Variants in MARCHF1 observed in about 807,000 individuals in gnomAD.
MARCHF1 encodes the protein membrane associated ring-CH-type finger 1, also known as E3 ubiquitin-protein ligase MARCHF1.
Under a neutral mutation model 54.2 loss-of-function variants are expected in MARCHF1, and 40 were observed. The observed-to-expected ratio is 0.74, with a 90% confidence interval of 0.57 to 0.96. The LOEUF is 0.96. Ranked by LOEUF, MARCHF1 falls within the 40% of genes least tolerant of loss-of-function variation. The pLI, the probability that MARCHF1 is intolerant of heterozygous loss-of-function variation, is 0.00. For synonymous variants in MARCHF1, 236 were observed against 236.3 expected (o/e 1.00, Z 0.01); for missense variants, 586 against 656.5 (o/e 0.89, Z 1.17).
At chr4:163,539,958 C>T (rs1307891052) in intron 9 of MARCHF1, among the ~76,000 whole-genome samples, 4 of 152,082 alleles carry the variant, frequency 2.6e-5, no homozygotes, top group Non-Finnish European at 5.9e-5. Context: ...AGAATGGGGT[C>T]CTGGTTCCTC....
At chr4:164,163,828 T>C (rs1730302990) in intron 1 of MARCHF1, among the ~76,000 whole-genome samples, 1 of 151,932 alleles carries the variant, frequency 6.6e-6, no homozygotes, top group African/African-American at 2.4e-5. Context: ...CAAGACAGAC[T>C]CTATTCTGGG....
intron 1 of MARCHF1, among the ~76,000 whole-genome samples, chr4:164,283,112 C>T (rs1286429060): frequency 6.6e-6 from 1 of 151,146 alleles, no homozygotes; most frequent in African/African-American, 2.4e-5. Flanking sequence ...AGCAAAAATA[C>T]CAATCCTTAC....
intron 4 of MARCHF1, among the ~76,000 whole-genome samples, chr4:163,741,267 G>A (rs116837711): frequency 2.0e-4 from 30 of 152,024 alleles, no homozygotes; most frequent in African/African-American, 7.0e-4. Flanking sequence ...AATTGATTAC[G>A]AGTGTTATTG....
intron 1 of MARCHF1, among the ~76,000 whole-genome samples, chr4:164,165,528 A>AT (rs1471885906): frequency 6.6e-6 from 1 of 151,896 alleles, no homozygotes; most frequent in Non-Finnish European, 1.5e-5. Context: ...GAGTAAATAA[A>AT]TTTCTGTTGT....
In MARCHF1 at chr4:163,572,015, T is replaced by C. The variant is rs187194207; in HGVS notation, c.1191+13734A>G. On this transcript the variant is annotated intron_variant, in intron 8 of 9. Transcript: ENST00000514618. ...CCTAAATGCTAACTGCCCTCAAACA[T>C]TTTCGTTTTCTCTCTTCTATTTTCT... 1.6e-3 allele frequency among the ~76,000 whole-genome samples: 250 copies of C among 152,244 alleles called. 1 individual carries two copies. Among genetic ancestry groups the C allele is most frequent in the African/African-American group, 5.6e-3 (231 of 41,568 alleles).
At chr4:164,015,615 AAAC>A (rs1753523256) in intron 2 of MARCHF1, among the ~76,000 whole-genome samples, 1 of 152,170 alleles carries the variant, frequency 6.6e-6, no homozygotes, top group African/African-American at 2.4e-5. Flanking sequence ...ATAGCAAAAC[AAAC>A]AATACAAATA....
intron 1 of MARCHF1, among the ~76,000 whole-genome samples, chr4:164,239,707 TTAAG>T (rs777680187): frequency 6.6e-6 from 1 of 152,172 alleles, no homozygotes; most frequent in Non-Finnish European, 1.5e-5. Flanking sequence ...CCATGACACC[TTAAG>T]TAAGCATTAA....
chr4:164,021,995 T>G (rs1753676740), intron 2 of MARCHF1, among the ~76,000 whole-genome samples: 1 of 152,148 alleles, frequency 6.6e-6, no homozygotes, highest in Admixed American at 6.5e-5. Flanking sequence ...ATATTTTATA[T>G]GACATTTTGG....
intron 4 of MARCHF1, among the ~76,000 whole-genome samples, chr4:163,836,893 G>A (rs1229997348): frequency 1.3e-5 from 2 of 151,620 alleles, no homozygotes; most frequent in Non-Finnish European, 2.9e-5. Flanking sequence ...AATTTGAGGA[G>A]GTCTAATTTT....
At chr4:164,194,239 T>A (rs1372870388) in intron 1 of MARCHF1, among the ~76,000 whole-genome samples, 2 of 152,184 alleles carry the variant, frequency 1.3e-5, no homozygotes, top group African/African-American at 4.8e-5. Context: ...TTGTGTGGAT[T>A]TTTTTCTTTT....
At chr4:163,673,135 C>T (rs1260944858) in intron 5 of MARCHF1, among the ~76,000 whole-genome samples, 1 of 152,186 alleles carries the variant, frequency 6.6e-6, no homozygotes, top group African/African-American at 2.4e-5. Context: ...CAACCACATA[C>T]ATCAAACTGA....
intron 1 of MARCHF1, among the ~76,000 whole-genome samples, chr4:164,376,618 G>A (rs907784594): frequency 2.6e-5 from 4 of 152,158 alleles, no homozygotes; most frequent in East Asian, 3.9e-4. Context: ...ACCTTATGAG[G>A]AGCTGCAGAG....
At chr4:164,016,577 C>T (rs192120848) in intron 2 of MARCHF1, among the ~76,000 whole-genome samples, 16 of 152,148 alleles carry the variant, frequency 1.1e-4, no homozygotes, top group Admixed American at 2.0e-4. Context: ...AAATATCACA[C>T]GTGTTCACTA....
chr4:163,880,905 C>T (rs575523969), intron 3 of MARCHF1, among the ~76,000 whole-genome samples: 2 of 152,150 alleles, frequency 1.3e-5, no homozygotes, highest in South Asian at 4.1e-4. Flanking sequence ...GAACTCCTGC[C>T]TCAGGGATTG....
chr4:164,098,836 C>G (rs997678029), intron 2 of MARCHF1, among the ~76,000 whole-genome samples: 1 of 152,192 alleles, frequency 6.6e-6, no homozygotes, highest in Non-Finnish European at 1.5e-5. Flanking sequence ...CATTTAGACA[C>G]ATGACTGTCT....
intron 1 of MARCHF1, chr4:164,188,257 AGACC>A: frequency 5.2e-5 from 15 of 286,480 alleles, no homozygotes; most frequent in South Asian, 1.6e-4. Flanking sequence ...CAGCACAGAC[AGACC>A]GACCGACCGA....
chr4:164,281,187 T>C (rs1010385144), intron 1 of MARCHF1, among the ~76,000 whole-genome samples: 4 of 151,826 alleles, frequency 2.6e-5, no homozygotes, highest in Non-Finnish European at 5.9e-5. Flanking sequence ...AGTGTGATCA[T>C]TCAAGCAAAA....
chr4:163,684,506 T>G (rs372869677), intron 5 of MARCHF1, among the ~76,000 whole-genome samples: 1 of 152,248 alleles, frequency 6.6e-6, no homozygotes, highest in Non-Finnish European at 1.5e-5. Flanking sequence ...TTTGTTCTTT[T>G]TACCAAGCTA....
intron 1 of MARCHF1, among the ~76,000 whole-genome samples, chr4:164,129,592 A>AT (rs1756258396): frequency 6.6e-6 from 1 of 152,176 alleles, no homozygotes; most frequent in South Asian, 2.1e-4. Flanking sequence ...TATATATATT[A>AT]TTTTTTGAAT....
Sources: allele counts gnomAD v4.1 joint callset (sites outside exome capture counted in the v4.1 genomes callset), GRCh38; gene constraint gnomAD v4.1.1; transcripts MANE v1.5; gene names NCBI Gene and HGNC (gene_info 2026-07-23, HGNC 2026-07-21).